The following RBFOX1 variants were observed in gnomAD, a reference collection of about 807,000 sequenced individuals.
RBFOX1 encodes the protein RNA binding fox-1 homolog 1.
RBFOX1 carries 8 observed loss-of-function variants against 57.7 expected under a neutral mutation model. The ratio of observed to expected loss-of-function variants is 0.14; its 90% CI spans 0.08 to 0.25. The LOEUF (loss-of-function observed/expected upper bound fraction) is 0.25, where lower values mean the gene tolerates loss of function less well. Ranked by LOEUF, RBFOX1 falls within the 10% of genes least tolerant of loss-of-function variation. RBFOX1 has a pLI of 1.00. For missense variants in RBFOX1, 611 were observed against 548.5 expected, an observed-to-expected ratio of 1.11 and a Z score of -1.14; for synonymous variants, 326 against 222.4, an observed-to-expected ratio of 1.47 and a Z score of -4.15.
chr16:5,911,162 T>C (rs1258029190), intron 4 of RBFOX1, among the ~76,000 whole-genome samples: 1 of 152,170 alleles, frequency 6.6e-6, no homozygotes, highest in African/African-American at 2.4e-5. Flanking sequence ...CAGACATAGG[T>C]CCTACCTGCA....
At chr16:5,375,822 A>G (rs900840823) in intron 1 of RBFOX1, among the ~76,000 whole-genome samples, 2 of 152,208 alleles carry the variant, frequency 1.3e-5, no homozygotes, top group Non-Finnish European at 2.9e-5. Flanking sequence ...TAAACTAACT[A>G]AAGGCTCATA....
At chr16:5,455,011 CTTTCTTTCT>C (rs1567536286) in intron 1 of RBFOX1, among the ~76,000 whole-genome samples, 3 of 111,462 alleles carry the variant, frequency 2.7e-5, no homozygotes, top group African/African-American at 9.5e-5. Flanking sequence ...TTCTTTCTTT[CTTTCTTTCT>C]TTCTCTCTCT....
At chr16:7,266,362 C>T (rs369981410) in intron 4 of RBFOX1, among the ~76,000 whole-genome samples, 3 of 152,200 alleles carry the variant, frequency 2.0e-5, no homozygotes, top group Admixed American at 6.5e-5. Flanking sequence ...GATGCTTCTG[C>T]TCTTTCCTCA....
intron 4 of RBFOX1, among the ~76,000 whole-genome samples, chr16:7,124,046 T>G (rs189675611): frequency 9.8e-5 from 15 of 152,332 alleles, no homozygotes; most frequent in Admixed American, 2.6e-4. Flanking sequence ...TTATGTATAT[T>G]TAGAAATATT....
chr16:7,358,601 G>C (rs1596375704), intron 4 of RBFOX1, among the ~76,000 whole-genome samples: 1 of 152,046 alleles, frequency 6.6e-6, no homozygotes, highest in Non-Finnish European at 1.5e-5. Flanking sequence ...TGTATTTTTT[G>C]TAGAGACAGG....
intron 3 of RBFOX1, among the ~76,000 whole-genome samples, chr16:6,677,614 A>G (rs1016491028): frequency 3.9e-5 from 6 of 152,190 alleles, no homozygotes; most frequent in African/African-American, 7.2e-5. Flanking sequence ...TCAATCAAAG[A>G]TAAAATCTCA....
At chr16:5,620,991 C>T (rs1401859851) in intron 3 of RBFOX1, among the ~76,000 whole-genome samples, 1 of 152,136 alleles carries the variant, frequency 6.6e-6, no homozygotes, top group Non-Finnish European at 1.5e-5. Flanking sequence ...TAGACGCTCG[C>T]CACCACGCCC....
chr16:7,010,330 G>C (rs538581112), intron 3 of RBFOX1, among the ~76,000 whole-genome samples: 1 of 152,208 alleles, frequency 6.6e-6, no homozygotes, highest in Non-Finnish European at 1.5e-5. Context: ...TACATTGTGA[G>C]CATCAAACCC....
chr16:6,490,447 C>T (rs575824751), intron 2 of RBFOX1, among the ~76,000 whole-genome samples: 21 of 152,236 alleles, frequency 1.4e-4, no homozygotes, highest in African/African-American at 3.1e-4. Context: ...TACAAGCCAC[C>T]GTGGTGGGAA....
chr16:7,277,334 G>A (rs754483355), intron 4 of RBFOX1, among the ~76,000 whole-genome samples: 9 of 152,128 alleles, frequency 5.9e-5, no homozygotes, highest in Non-Finnish European at 1.0e-4. Flanking sequence ...ATCCAATGTG[G>A]TTTGTATGTA....
chr16:6,714,472 C>T (rs6500813), intron 3 of RBFOX1, among the ~76,000 whole-genome samples: 79,084 of 151,874 alleles, frequency 0.52, 22,203 homozygotes, highest in Middle Eastern at 0.76. Context: ...ATCCTTGGAA[C>T]CAACGTACAC....
chr16:6,483,938 CG>C, intron 2 of RBFOX1: 1 of 1,057,894 alleles, frequency 9.5e-7, no homozygotes, highest in Non-Finnish European at 1.1e-6. Context: ...GCTCCAGCTC[CG>C]GGGACCTCGG....
intron 4 of RBFOX1, among the ~76,000 whole-genome samples, chr16:7,468,966 T>G (rs1974622): frequency 1.3e-5 from 2 of 151,796 alleles, no homozygotes; most frequent in Non-Finnish European, 2.9e-5. Context: ...CAGAGTCTCA[T>G]TCTGTCACCC....
chr16:6,614,810 G>C (rs1434973100), intron 2 of RBFOX1, among the ~76,000 whole-genome samples: 1 of 152,096 alleles, frequency 6.6e-6, no homozygotes, highest in African/African-American at 2.4e-5. Context: ...TATTGACCTA[G>C]GGACTCACCC....
intron 4 of RBFOX1, among the ~76,000 whole-genome samples, chr16:7,474,181 G>A (rs1195355528): frequency 6.6e-6 from 1 of 152,200 alleles, no homozygotes; most frequent in Non-Finnish European, 1.5e-5. Context: ...CAGCTACTCA[G>A]GGGGCTGAGG....
intron 4 of RBFOX1, among the ~76,000 whole-genome samples, chr16:7,147,250 C>A (rs1255056503): frequency 6.6e-6 from 1 of 151,412 alleles, no homozygotes; most frequent in Admixed American, 6.6e-5. Flanking sequence ...AGTGATCCGC[C>A]CACCTCAGCC....
At chr16:6,461,330 T>C (rs943916893) in intron 2 of RBFOX1, among the ~76,000 whole-genome samples, 2 of 152,192 alleles carry the variant, frequency 1.3e-5, no homozygotes, top group Non-Finnish European at 2.9e-5. Flanking sequence ...GGATTCCTTT[T>C]AACTTAATTA....
At chr16:5,680,748 G>C (rs762468530) in intron 3 of RBFOX1, among the ~76,000 whole-genome samples, 1 of 152,194 alleles carries the variant, frequency 6.6e-6, no homozygotes, top group Non-Finnish European at 1.5e-5. Context: ...TCCGGGTGAA[G>C]CTGCCTATGA....
chr16:5,403,515 C>T (rs2066776622), intron 1 of RBFOX1, among the ~76,000 whole-genome samples: 1 of 152,146 alleles, frequency 6.6e-6, no homozygotes, highest in South Asian at 2.1e-4. Context: ...ACAATCTTGG[C>T]TCACCGCAAC....
Sources: gnomAD v4.1 joint callset for allele counts (sites outside exome capture counted in the v4.1 genomes callset) on GRCh38, gnomAD v4.1.1 for gene constraint, MANE v1.5 for transcripts, NCBI Gene and HGNC (gene_info 2026-07-23, HGNC 2026-07-21) for gene names.